Variants in SLC37A3 observed in about 807,000 individuals in gnomAD.
SLC37A3 encodes the protein sugar phosphate exchanger 3.
Under a neutral mutation model 67.1 loss-of-function variants are expected in SLC37A3, and 51 were observed. The ratio of observed to expected loss-of-function variants is 0.76; its 90% CI spans 0.61 to 0.96. SLC37A3 has a LOEUF of 0.96. Ranked by LOEUF, SLC37A3 falls within the 40% of genes least tolerant of loss-of-function variation. The pLI is 0.00. For synonymous variants in SLC37A3, 214 were observed against 231.4 expected (o/e 0.92, Z 0.68); for missense variants, 508 against 603.0 (o/e 0.84, Z 1.65).
At chr7:140,395,379 TAAAAAAAAAAAAA>T (rs35674101) in intron 1 of SLC37A3, among the ~76,000 whole-genome samples, 1 of 77,794 alleles carries the variant, frequency 1.3e-5, no homozygotes, top group African/African-American at 5.3e-5. Flanking sequence ...CATCTCAAAT[TAAAAAAAAAAAAA>T]AAAAAAAAAA....
At chr7:140,362,101 T>C (rs1248337650) in intron 5 of SLC37A3, among the ~76,000 whole-genome samples, 4 of 128,218 alleles carry the variant, frequency 3.1e-5, no homozygotes, top group Non-Finnish European at 6.8e-5. Context: ...ATCTAGGAAG[T>C]GAGGAGCGCC....
Position 140,358,638 on chromosome 7 carries a change from A to G in SLC37A3, c.521+2T>C, listed in dbSNP as rs1797132013. ...AAATTAGAGAGGAAGGAAGTGGCAT[A>G]CCCGGCTTTCCCAAACCAGTTGCCC... On this transcript the variant is annotated splice_donor_variant, in intron 6 of 14. Coordinates refer to ENST00000326232, the MANE Select transcript of SLC37A3 (RefSeq NM_207113.3). LOFTEE classifies it high-confidence loss of function. 4 of 1,613,474 alleles carry G rather than the reference A, an allele frequency of 2.5e-6. No homozygotes were observed. Among genetic ancestry groups the G allele is most frequent in the Non-Finnish European group, 3.4e-6 (4 of 1,179,558 alleles).
At chr7:140,353,758 G>A (rs1035757863) in intron 7 of SLC37A3, among the ~76,000 whole-genome samples, 3 of 151,664 alleles carry the variant, frequency 2.0e-5, no homozygotes, top group Non-Finnish European at 4.4e-5. Flanking sequence ...TGTCACTCAG[G>A]CTGGAGTGCA....
At chr7:140,339,829 C>T (rs1306680063) in intron 13 of SLC37A3, among the ~76,000 whole-genome samples, 9 of 151,676 alleles carry the variant, frequency 5.9e-5, no homozygotes, top group Non-Finnish European at 1.0e-4. Context: ...CTCCACCTCC[C>T]GGGTTCACGC....
intron 7 of SLC37A3, among the ~76,000 whole-genome samples, chr7:140,353,513 T>A (rs1048630744): frequency 3.0e-4 from 45 of 151,812 alleles, no homozygotes; most frequent in African/African-American, 6.0e-4. Context: ...AAAACTCTCC[T>A]TCCTACCCCA....
intron 3 of SLC37A3, among the ~76,000 whole-genome samples, chr7:140,376,940 A>ATTT (rs34892110): frequency 1.2e-4 from 13 of 110,490 alleles, no homozygotes; most frequent in South Asian, 3.1e-4. Context: ...CACCCAGCTA[A>ATTT]TTTTTTTTTT....
intron 3 of SLC37A3, among the ~76,000 whole-genome samples, chr7:140,375,566 C>T (rs1372056024): frequency 6.6e-6 from 1 of 152,094 alleles, no homozygotes; most frequent in East Asian, 1.9e-4. Flanking sequence ...TAATCCATGT[C>T]AAGTGAATAA....
At chr7:140,357,201 C>T (rs987312681) in intron 6 of SLC37A3, among the ~76,000 whole-genome samples, 26 of 151,772 alleles carry the variant, frequency 1.7e-4, no homozygotes, top group African/African-American at 5.3e-4. Context: ...GCAGTAAGAG[C>T]GAAACTCTGT....
chr7:140,337,555 G>A (rs975336161), intron 13 of SLC37A3: 12 of 400,824 alleles, frequency 3.0e-5, no homozygotes, highest in South Asian at 8.4e-5. Context: ...TGGAAAAACC[G>A]TATAATAGAA....
intron 5 of SLC37A3, among the ~76,000 whole-genome samples, chr7:140,363,110 G>A (rs1251099609): frequency 2.2e-5 from 2 of 90,034 alleles, no homozygotes; most frequent in Admixed American, 9.8e-5. Context: ...CCCCATCCGG[G>A]AGGTGAGGGG....
At chr7:140,374,888 C>G (rs1377275010) in intron 3 of SLC37A3, among the ~76,000 whole-genome samples, 1 of 151,948 alleles carries the variant, frequency 6.6e-6, no homozygotes, top group Non-Finnish European at 1.5e-5. Flanking sequence ...TGGCTCACAC[C>G]TGTAATCCCA....
Position 140,369,631 on chromosome 7 carries a change from G to A in SLC37A3, c.250C>T (p.Leu84Phe). The A allele has an allele frequency of 6.2e-7, 1 of 1,614,024 alleles. No individual in the cohort carries two copies. Among genetic ancestry groups the A allele is most frequent in the Non-Finnish European group, 8.5e-7 (1 of 1,180,000 alleles). The change falls in exon 4 of 15, where the codon CTC (leucine) becomes TTC (phenylalanine). Residue 84 changes from leucine (L) to phenylalanine (F), a missense_variant. Leu to Phe is a conservative substitution (Grantham distance 22). Transcript: ENST00000326232. ...FPSAEKATLF[L>F]GTLDTIFLFS... is the part of the protein sequence containing the mutation. ...AGGAAAATGGTATCCAGTGTGCCGA[G>A]GAAAAGAGTCGCTTTCTCTGCACTG...
At chr7:140,367,769 C>G (rs1211103865) in intron 4 of SLC37A3, among the ~76,000 whole-genome samples, 1 of 151,730 alleles carries the variant, frequency 6.6e-6, no homozygotes, top group African/African-American at 2.4e-5. Flanking sequence ...AATTACTCCT[C>G]GCCACCGTGG....
chr7:140,357,357 G>C (rs180749467), intron 6 of SLC37A3, among the ~76,000 whole-genome samples: 1 of 152,162 alleles, frequency 6.6e-6, no homozygotes, highest in South Asian at 2.1e-4. Flanking sequence ...ATTTGTAACC[G>C]CCCAAAACTG....
chr7:140,393,150 T>A (rs907439940), intron 1 of SLC37A3, among the ~76,000 whole-genome samples: 1 of 151,998 alleles, frequency 6.6e-6, no homozygotes, highest in Non-Finnish European at 1.5e-5. Context: ...CCTGATCTCC[T>A]AACCAGTTTC....
rs772923064 is a variant in SLC37A3, at chr7:140,343,367, TTGAGGGAAGA to T, written c.1326+35_1326+44del. The T allele has an allele frequency of 2.5e-6, 4 of 1,610,896 alleles. No homozygotes were observed. In the African/African-American group the frequency reaches 5.4e-5, roughly 22 times the overall value. On this transcript the variant is annotated intron_variant, in intron 13 of 14. Coordinates refer to ENST00000326232, the MANE Select transcript of SLC37A3 (RefSeq NM_207113.3). Reference sequence around the variant, plus strand: ...AGGGCAGGTTCACATTCAGCCGCCTTTGAGGGAAGACACTAGAATCCCAGCCCCTCTCCTG... The same window carrying T: ...AGGGCAGGTTCACATTCAGCCGCCTTCACTAGAATCCCAGCCCCTCTCCTG...
In SLC37A3 at chr7:140,362,036, C is replaced by A. The variant is rs1386620493; in HGVS notation, c.375+2372G>T. On this transcript the variant is annotated intron_variant, in intron 5 of 14. Coordinates refer to ENST00000326232, the MANE Select transcript of SLC37A3 (RefSeq NM_207113.3). ...ATCGTCTGGGATATGAGGAGCCTCTCTGCCTGGCTGCCCAGTCTGGAAAGT... is the reference window on the plus strand; with the variant it reads ...ATCGTCTGGGATATGAGGAGCCTCTATGCCTGGCTGCCCAGTCTGGAAAGT... Among the ~76,000 whole-genome samples the A allele has an allele frequency of 3.0e-4, 36 of 121,122 alleles. 1 individual carries two copies. Among genetic ancestry groups the A allele is most frequent in the African/African-American group, 1.1e-3 (34 of 32,006 alleles). 79.5% of individuals were successfully genotyped at this position (121,122 alleles called of 152,430 possible). A position where few individuals can be genotyped will look rare whatever the true frequency, so the allele number is the denominator to read the frequency against.
At chr7:140,346,910 C>A (rs1796584825) in intron 10 of SLC37A3, among the ~76,000 whole-genome samples, 1 of 151,850 alleles carries the variant, frequency 6.6e-6, no homozygotes. Flanking sequence ...GCACTCTAGC[C>A]TGGGCAACAG....
intron 1 of SLC37A3, among the ~76,000 whole-genome samples, chr7:140,388,347 C>A (rs1186572852): frequency 6.6e-6 from 1 of 150,818 alleles, no homozygotes; most frequent in Non-Finnish European, 1.5e-5. Context: ...ATGGGAGAAT[C>A]ACTTGAGCCT....
Sources: allele counts gnomAD v4.1 joint callset (sites outside exome capture counted in the v4.1 genomes callset), GRCh38; gene constraint gnomAD v4.1.1; transcripts MANE v1.5; gene names NCBI Gene and HGNC (gene_info 2026-07-23, HGNC 2026-07-21).